TRPC4AP: variants seen among roughly 807,000 people sequenced by gnomAD.
The protein encoded by TRPC4AP is short transient receptor potential channel 4-associated protein.
A neutral mutation model predicts 99.0 loss-of-function variants in TRPC4AP; 45 were observed. That is an observed-to-expected ratio of 0.45 (90% confidence interval 0.36 to 0.58). TRPC4AP has a LOEUF of 0.58. Among genes scored for constraint, TRPC4AP ranks in the 20% least tolerant of loss-of-function variants. The pLI is 0.00. For missense variants in TRPC4AP, 879 were observed against 985.3 expected (o/e 0.89, Z 1.44); for synonymous variants, 408 against 385.8 (o/e 1.06, Z -0.67).
intron 16 of TRPC4AP, 128 bp downstream of exon 16, chr20:35,005,567 T>C (rs1232290290): frequency 1.3e-6 from 1 of 798,592 alleles, no homozygotes; most frequent in East Asian, 2.7e-5. Context: ...GCCGCCACCT[T>C]GAGGCCGGCC....
Position 35,044,678 on chromosome 20 carries a change from C to A in TRPC4AP, c.692G>T (p.Ser231Ile). 1 of 1,614,210 alleles carries A rather than the reference C, an allele frequency of 6.2e-7. No homozygotes were observed. The highest frequency in any genetic ancestry group is 2.2e-5 in the East Asian group (1 of 44,872). ...MIRLDEVPNL[S>I]SLVSNFDQQQ... ...CTGATCGAAATTGGATACTAAGGAA[C>A]TCAGATTGGGGACTTCATCTAGTCG... is the stretch of plus-strand genomic sequence containing the variant. Residue 231 changes from serine to isoleucine, a missense_variant, in exon 7 of 19, where the codon AGT becomes ATT. Physicochemically the swap from Ser to Ile is moderately radical, Grantham distance 142 (BLOSUM62 -2). Transcript: ENST00000252015.
intron 9 of TRPC4AP, among the ~76,000 whole-genome samples, chr20:35,019,498 T>G (rs993464080): frequency 1.3e-5 from 2 of 152,142 alleles, no homozygotes; most frequent in African/African-American, 4.8e-5. Flanking sequence ...CACAGCCCAG[T>G]TTATGCCCTG....
At chr20:35,082,925 T>C (rs1225389386) in intron 1 of TRPC4AP, among the ~76,000 whole-genome samples, 2 of 152,208 alleles carry the variant, frequency 1.3e-5, no homozygotes, top group Non-Finnish European at 2.9e-5. Flanking sequence ...GCAAACATCA[T>C]ACTTAATGGC....
intron 7 of TRPC4AP, among the ~76,000 whole-genome samples, chr20:35,037,326 G>A (rs1299248686): frequency 7.3e-5 from 9 of 123,440 alleles, no homozygotes; most frequent in Admixed American, 3.1e-4. Flanking sequence ...CGGCCTGGGC[G>A]AAAGAGCGAG....
intron 3 of TRPC4AP, among the ~76,000 whole-genome samples, chr20:35,063,425 T>C (rs1569135338): frequency 6.6e-6 from 1 of 152,124 alleles, no homozygotes; most frequent in African/African-American, 2.4e-5. Context: ...CTGCCAGAGC[T>C]GGGGAGAAGG....
intron 16 of TRPC4AP, among the ~76,000 whole-genome samples, chr20:35,005,287 A>G (rs2147261833): frequency 6.6e-6 from 1 of 152,286 alleles, no homozygotes; most frequent in Non-Finnish European, 1.5e-5. Flanking sequence ...GGATGCCACA[A>G]GCCCTCTCCT....
intron 12 of TRPC4AP, 24 bp from the exon 13 acceptor site, chr20:35,008,771 T>C (rs749712182): frequency 1.2e-6 from 2 of 1,607,572 alleles, no homozygotes; most frequent in Non-Finnish European, 8.5e-7. Context: ...GAGATATTGG[T>C]GACAGATCTG....
At chr20:35,069,463 C>G in intron 2 of TRPC4AP, 51 bp from the exon 3 acceptor site, 1 of 1,152,768 alleles carries the variant, frequency 8.7e-7, no homozygotes, top group Non-Finnish European at 1.3e-6. Flanking sequence ...CCAACACAGA[C>G]CAGACACTAA....
chr20:35,043,530 AAG>A (rs2083489452), intron 7 of TRPC4AP, among the ~76,000 whole-genome samples: 1 of 152,122 alleles, frequency 6.6e-6, no homozygotes, highest in Non-Finnish European at 1.5e-5. Context: ...TACAGGCGTT[AAG>A]CCACCGTGCC....
At chr20:35,005,654 T>C (rs3746431) in intron 16 of TRPC4AP, 41 bp downstream of exon 16, 976,235 of 1,575,270 alleles carry the variant, frequency 0.62, 306,323 homozygotes, top group Admixed American at 0.8. Flanking sequence ...CCAGCATTCT[T>C]ACCCTGCATG....
At chr20:35,037,715 C>T (rs144689243) in intron 7 of TRPC4AP, among the ~76,000 whole-genome samples, 44 of 152,272 alleles carry the variant, frequency 2.9e-4, no homozygotes, top group South Asian at 6.2e-4. Context: ...AACGCTGTTG[C>T]GGTCAACAAC....
chr20:35,044,900 T>C lies in TRPC4AP; in HGVS notation c.658-188A>G, dbSNP rs553532244. On this transcript the variant is annotated intron_variant, in intron 6 of 18. Coordinates refer to ENST00000252015, the MANE Select transcript of TRPC4AP (RefSeq NM_015638.3). The stretch of plus-strand genomic sequence containing the variant: ...AAAACCTTTCGAGTCTTTGCTTGTT[T>C]ATCTGTAAAACGGAACTAATCTACC... Among the ~76,000 whole-genome samples, 33 of 152,296 alleles carry C rather than the reference T, an allele frequency of 2.2e-4. No individual in the cohort carries two copies. The South Asian group carries it at 6.0e-3, about 28-fold the overall frequency.
intron 9 of TRPC4AP, among the ~76,000 whole-genome samples, chr20:35,020,905 C>T (rs980188871): frequency 1.3e-5 from 2 of 152,186 alleles, no homozygotes; most frequent in Non-Finnish European, 2.9e-5. Flanking sequence ...TGCCAGCTTT[C>T]AACTCTTTAG....
At chr20:35,029,599 T>C (rs2083119461) in intron 8 of TRPC4AP, among the ~76,000 whole-genome samples, 1 of 150,680 alleles carries the variant, frequency 6.6e-6, no homozygotes, top group African/African-American at 2.4e-5. Context: ...CCTTCAATTA[T>C]TTCTTTACTA....
chr20:35,004,630 G>C (rs1020117469), intron 16 of TRPC4AP, 60 bp from the exon 17 acceptor site: 15 of 1,440,088 alleles, frequency 1.0e-5, no homozygotes, highest in Non-Finnish European at 1.4e-5. Flanking sequence ...GGGTCGCCCA[G>C]GCCTTTCGTG....
Position 35,033,090 on chromosome 20 carries a change from G to A in TRPC4AP, c.1051+2033C>T, listed in dbSNP as rs1216164155. Among the ~76,000 whole-genome samples the A allele has an allele frequency of 1.2e-4, 18 of 152,116 alleles. No homozygotes were observed. The East Asian group carries it at 1.7e-3, about 15-fold the overall frequency. The stretch of plus-strand genomic sequence containing the variant: ...CATGCACCTGTAACCCCAGCTACTC[G>A]GGAGGCTGAGAGAGAACTGCTTGAA... On this transcript the variant is annotated intron_variant, in intron 8 of 18. Coordinates refer to ENST00000252015, the MANE Select transcript of TRPC4AP (RefSeq NM_015638.3).
chr20:35,080,807 T>TTG (rs148122618), intron 1 of TRPC4AP, among the ~76,000 whole-genome samples: 3 of 145,204 alleles, frequency 2.1e-5, no homozygotes, highest in South Asian at 4.4e-4. Context: ...CACTTCAGTT[T>TTG]TTTTTTTTTT....
chr20:35,089,035 T>C (rs1380229437), intron 1 of TRPC4AP, among the ~76,000 whole-genome samples: 2 of 112,362 alleles, frequency 1.8e-5, no homozygotes, highest in East Asian at 3.0e-4. Context: ...TACTTAACTA[T>C]ACACCTTTTT....
chr20:35,030,903 T>A (rs1418540883), intron 8 of TRPC4AP, among the ~76,000 whole-genome samples: 3 of 152,236 alleles, frequency 2.0e-5, no homozygotes, highest in African/African-American at 7.2e-5. Flanking sequence ...CTGTCTGAAG[T>A]CACCTGCTTT....
Sources: gnomAD v4.1 joint callset for allele counts (sites outside exome capture counted in the v4.1 genomes callset) on GRCh38, gnomAD v4.1.1 for gene constraint, MANE v1.5 for transcripts, NCBI Gene and HGNC (gene_info 2026-07-23, HGNC 2026-07-21) for gene names.